Variants in SNHG17 observed in about 807,000 individuals in gnomAD.
The protein encoded by SNHG17 is small nucleolar RNA host gene 17, also known as small nucleolar RNA host gene 17 (non-protein coding).
chr20:38,429,313 AT>A (rs1290834657), intron 3 of SNHG17: 1 of 171,388 alleles, frequency 5.8e-6, no homozygotes, highest in African/African-American at 2.4e-5. Context: ...AATACTGACC[AT>A]CTGGCAGACA....
At chr20:38,425,774 G>A (rs930253217) in intron 5 of SNHG17, among the ~76,000 whole-genome samples, 3 of 152,254 alleles carry the variant, frequency 2.0e-5, no homozygotes, top group East Asian at 1.9e-4. Flanking sequence ...CTATCCACAC[G>A]TCGGCCAGGC....
chr20:38,432,380 C>T (rs939050500), intron 2 of SNHG17, among the ~76,000 whole-genome samples: 2 of 152,150 alleles, frequency 1.3e-5, no homozygotes, highest in African/African-American at 4.8e-5. Context: ...CAGCGTGGCG[C>T]AGTCTAGCAT....
exon 8 of SNHG17, chr20:38,420,890 A>T (rs1330481989): frequency 6.6e-6 from 1 of 152,150 alleles, no homozygotes; most frequent in Non-Finnish European, 1.5e-5. Flanking sequence ...CACAAACACC[A>T]CCAAGAGATT....
At chr20:38,429,261 G>C (rs1478184875) in intron 3 of SNHG17, 1 of 155,618 alleles carries the variant, frequency 6.4e-6, no homozygotes, top group Non-Finnish European at 1.4e-5. Context: ...ATAGAGGCGG[G>C]GTTGCCCAGG....
At chr20:38,435,134 C>T (rs1490772634) in intron 1 of SNHG17, 8 of 1,232,184 alleles carry the variant, frequency 6.5e-6, no homozygotes, top group African/African-American at 1.6e-5. Context: ...CCGCCTTCCC[C>T]GGGGCCTCAG....
At chr20:38,426,248 C>A (rs533327178) in intron 4 of SNHG17, among the ~76,000 whole-genome samples, 2 of 152,222 alleles carry the variant, frequency 1.3e-5, no homozygotes, top group African/African-American at 2.4e-5. Context: ...GTGATTCACA[C>A]AGTGGAGTCG....
intron 5 of SNHG17, chr20:38,425,854 T>A (rs1600757116): frequency 6.5e-6 from 1 of 153,336 alleles, no homozygotes; most frequent in African/African-American, 2.4e-5. Flanking sequence ...GCCCAGGAAT[T>A]CAAAACGAGC....
intron 2 of SNHG17, among the ~76,000 whole-genome samples, chr20:38,434,210 T>A (rs1443263143): frequency 6.6e-6 from 1 of 152,222 alleles, no homozygotes; most frequent in African/African-American, 2.4e-5. Flanking sequence ...GTTCTGAGTA[T>A]CTACACGTGG....
At chr20:38,424,648 T>C (rs1043086494) in intron 5 of SNHG17, among the ~76,000 whole-genome samples, 1 of 152,110 alleles carries the variant, frequency 6.6e-6, no homozygotes, top group African/African-American at 2.4e-5. Context: ...CACAGCACAG[T>C]GGGCAGGAGA....
intron 5 of SNHG17, among the ~76,000 whole-genome samples, chr20:38,422,577 A>G (rs956976622): frequency 1.2e-4 from 19 of 152,142 alleles, no homozygotes; most frequent in Non-Finnish European, 1.5e-5. Context: ...ATCAGTATAC[A>G]TTACATAGAC....
intron 2 of SNHG17, among the ~76,000 whole-genome samples, chr20:38,431,547 G>A (rs911503692): frequency 2.6e-5 from 4 of 152,186 alleles, no homozygotes; most frequent in Non-Finnish European, 5.9e-5. Flanking sequence ...CCAACCAGGA[G>A]AAGTAAAGGA....
intron 2 of SNHG17, among the ~76,000 whole-genome samples, chr20:38,431,594 G>A (rs930125498): frequency 4.6e-5 from 7 of 152,172 alleles, no homozygotes; most frequent in Admixed American, 6.5e-5. Flanking sequence ...AGACTTCTTC[G>A]GACGTGGAAG....
intron 3 of SNHG17, chr20:38,427,408 G>C (rs759952066): frequency 1.9e-6 from 1 of 518,408 alleles, no homozygotes; most frequent in African/African-American, 1.9e-5. Flanking sequence ...AATGACCTAG[G>C]CACAGGCAGC....
chr20:38,422,753 A>G (rs1045338353), intron 5 of SNHG17, among the ~76,000 whole-genome samples: 4 of 152,158 alleles, frequency 2.6e-5, no homozygotes, highest in South Asian at 4.1e-4. Context: ...TGGCATACGC[A>G]CACACACACA....
At chr20:38,427,406 A>C in intron 3 of SNHG17, 1 of 518,620 alleles carries the variant, frequency 1.9e-6, no homozygotes. Context: ...TCAATGACCT[A>C]GGCACAGGCA....
At chr20:38,432,773 G>A (rs998645190) in intron 2 of SNHG17, among the ~76,000 whole-genome samples, 1 of 152,194 alleles carries the variant, frequency 6.6e-6, no homozygotes, top group Non-Finnish European at 1.5e-5. Flanking sequence ...CACAATCTCG[G>A]CTCACTGCAA....
chr20:38,430,799 G>A (rs1260503880), intron 3 of SNHG17: 2 of 152,274 alleles, frequency 1.3e-5, no homozygotes, highest in African/African-American at 4.8e-5. Context: ...CAACATGACA[G>A]GGTCTTTGTC....
chr20:38,433,494 G>A (rs1014193441), intron 2 of SNHG17, among the ~76,000 whole-genome samples: 10 of 152,170 alleles, frequency 6.6e-5, no homozygotes, highest in Non-Finnish European at 1.5e-4. Context: ...CTATTTGGGA[G>A]GCTGAGGTGC....
At chr20:38,435,103 G>A (rs1021833711) in intron 1 of SNHG17, 1 of 1,232,272 alleles carries the variant, frequency 8.1e-7, no homozygotes, top group Non-Finnish European at 1.0e-6. Flanking sequence ...CTGCACCAAG[G>A]ACAGGGCCTG....
Sources: allele counts gnomAD v4.1 joint callset (sites outside exome capture counted in the v4.1 genomes callset), GRCh38; gene constraint gnomAD v4.1.1; transcripts MANE v1.5; gene names NCBI Gene and HGNC (gene_info 2026-07-23, HGNC 2026-07-21).